Variants in TENM1 observed in about 807,000 individuals in gnomAD.
TENM1 encodes the protein teneurin transmembrane protein 1, also known as teneurin-1.
In TENM1, 35 loss-of-function variants were observed where a neutral mutation model predicts 174.8. The ratio of observed to expected loss-of-function variants is 0.20; its 90% CI spans 0.15 to 0.27. The LOEUF is 0.27. Ranked by LOEUF, TENM1 falls within the 10% of genes least tolerant of loss-of-function variation. TENM1 has a pLI of 1.00. For missense variants in TENM1, 1,633 were observed against 2,130.1 expected (o/e 0.77, Z 4.59); for synonymous variants, 781 against 798.7 (o/e 0.98, Z 0.37).
At chrX:125,066,379 G>A in the TENM1 span, among the ~76,000 whole-genome samples, 1 of 111,765 alleles carries the variant, frequency 8.9e-6, no homozygotes, top group African/African-American at 3.3e-5. Flanking sequence ...ACATACTTAT[G>A]CTAATGAAGG....
chrX:124,908,152 T>G lies in TENM1; in HGVS notation c.218-11911A>C, dbSNP rs1312177109. 4.5e-5 allele frequency among the ~76,000 whole-genome samples: 5 copies of G among 111,998 alleles called. No individual in the cohort carries two copies. In the Admixed American group the frequency reaches 4.7e-4, roughly 11 times the overall value. On this transcript the variant is annotated intron_variant, in intron 1 of 31. Coordinates refer to ENST00000422452, the Ensembl canonical transcript of TENM1. ...GAAGAAAGTAAATCCAAACATGAAT[T>G]TAGCATCTTCTTTTTTAAATTTTAT... is the stretch of plus-strand genomic sequence containing the variant.
chrX:125,077,433 G>A, the TENM1 span, among the ~76,000 whole-genome samples: 1 of 111,281 alleles, frequency 9.0e-6, no homozygotes, highest in African/African-American at 3.3e-5. Context: ...TTTGGATGAA[G>A]ATTTAGAGTA....
intron 4 of TENM1, among the ~76,000 whole-genome samples, chrX:124,706,763 G>A (rs945167944): frequency 2.7e-5 from 3 of 111,311 alleles, no homozygotes; most frequent in Non-Finnish European, 5.6e-5. Flanking sequence ...CAAGTGTTGT[G>A]CTGAACACTC....
the TENM1 span, among the ~76,000 whole-genome samples, chrX:125,071,533 A>C: frequency 8.9e-6 from 1 of 112,105 alleles, no homozygotes; most frequent in Non-Finnish European, 1.9e-5. Context: ...CTACAGTTAC[A>C]TGAAACGTTT....
intron 3 of TENM1, among the ~76,000 whole-genome samples, chrX:124,850,024 G>A (rs1015200938): frequency 1.8e-5 from 2 of 111,707 alleles, no homozygotes; most frequent in Non-Finnish European, 3.8e-5. Context: ...CATAGATTAG[G>A]ATATTGTGGC....
At chrX:124,653,677 G>A (rs1401885110) in exon 7 of TENM1, 1 of 1,208,395 alleles carries the variant, frequency 8.3e-7, no homozygotes, top group Admixed American at 2.2e-5. Context: ...ATATTGGATG[G>A]TGGATAGTAA....
intron 3 of TENM1, among the ~76,000 whole-genome samples, chrX:124,815,753 T>A (rs1232473440): frequency 2.7e-5 from 3 of 111,137 alleles, no homozygotes; most frequent in Non-Finnish European, 5.7e-5. Flanking sequence ...ATTTAAAACA[T>A]TGCGAATGGT....
intron 20 of TENM1, among the ~76,000 whole-genome samples, chrX:124,492,226 G>A (rs943786424): frequency 9.0e-6 from 1 of 111,611 alleles, no homozygotes; most frequent in African/African-American, 3.2e-5. Flanking sequence ...CAAGGAAACA[G>A]ATGACTCAAC....
intron 3 of TENM1, among the ~76,000 whole-genome samples, chrX:124,772,400 G>T (rs890342615): frequency 1.1e-4 from 12 of 112,078 alleles, no homozygotes; most frequent in African/African-American, 3.2e-4. Context: ...CTTCGAAAGT[G>T]CTGGGATAAC....
chrX:124,557,227 T>G (rs1414496933), intron 14 of TENM1, among the ~76,000 whole-genome samples: 2 of 111,588 alleles, frequency 1.8e-5, no homozygotes, highest in Non-Finnish European at 3.8e-5. Context: ...CCTGAATTTT[T>G]TTATGTTATT....
At chrX:124,904,550 G>T (rs907040856) in intron 1 of TENM1, among the ~76,000 whole-genome samples, 2 of 112,387 alleles carry the variant, frequency 1.8e-5, no homozygotes, top group African/African-American at 6.5e-5. Context: ...TGGTAAATTA[G>T]CTGTCTGTTT....
chrX:124,387,371 T>C (rs941927577), intron 28 of TENM1, among the ~76,000 whole-genome samples: 9 of 111,539 alleles, frequency 8.1e-5, no homozygotes, highest in African/African-American at 2.9e-4. Context: ...TTGACTGACA[T>C]GTGCATCTCA....
the TENM1 span, among the ~76,000 whole-genome samples, chrX:125,049,398 GTTATAGTACTTCATTCCTT>G: frequency 2.7e-5 from 3 of 112,177 alleles, no homozygotes; most frequent in Admixed American, 1.9e-4. Flanking sequence ...GTTTATCCCT[GTTATAGTACTTCATTCCTT>G]TTTATGGCTG....
the TENM1 span, among the ~76,000 whole-genome samples, chrX:125,089,114 G>T: frequency 9.0e-6 from 1 of 111,298 alleles, no homozygotes; most frequent in Non-Finnish European, 1.9e-5. Context: ...TCTAGCCATA[G>T]GATCTTATAG....
chrX:124,646,147 A>G lies in TENM1; in HGVS notation c.1681+562T>C, dbSNP rs142031951. Among the ~76,000 whole-genome samples, 23 of 112,429 alleles carry G rather than the reference A, an allele frequency of 2.0e-4. No homozygotes were observed. In the East Asian group the frequency reaches 6.1e-3, roughly 30 times the overall value. On this transcript the variant is annotated intron_variant, in intron 9 of 31. Transcript: ENST00000422452. ...CGGGAAAACATGATGTGATTTACCT[A>G]AAGCTTTTCAAAAATTAAACTATGG...
At chrX:125,171,472 C>T in the TENM1 span, among the ~76,000 whole-genome samples, 3 of 110,676 alleles carry the variant, frequency 2.7e-5, no homozygotes, top group African/African-American at 6.6e-5. Flanking sequence ...ACTCTAAATT[C>T]GTATGTTGAA....
chrX:124,715,906 TA>T (rs1221660172), intron 4 of TENM1, among the ~76,000 whole-genome samples: 1 of 111,298 alleles, frequency 9.0e-6, no homozygotes, highest in Non-Finnish European at 1.9e-5. Flanking sequence ...ACATCTTATA[TA>T]AAAAAAAGTT....
chrX:124,803,528 C>CATCCTG (rs1333150541), intron 3 of TENM1, among the ~76,000 whole-genome samples: 4 of 112,198 alleles, frequency 3.6e-5, no homozygotes, highest in African/African-American at 1.3e-4. Flanking sequence ...AAACTGTACT[C>CATCCTG]ATCCTGCTCC....
At chrX:124,918,182 A>AT (rs373039228) in intron 1 of TENM1, among the ~76,000 whole-genome samples, 2,647 of 101,865 alleles carry the variant, frequency 0.026, 34 homozygotes, top group Admixed American at 0.04. Flanking sequence ...AAGATACTGA[A>AT]TTTTTTTTTT....
Sources: allele counts gnomAD v4.1 joint callset (sites outside exome capture counted in the v4.1 genomes callset), GRCh38; gene constraint gnomAD v4.1.1; transcripts MANE v1.5; gene names NCBI Gene and HGNC (gene_info 2026-07-23, HGNC 2026-07-21).